The following ZNF678 variants were observed in gnomAD, a reference collection of about 807,000 sequenced individuals.
The protein encoded by ZNF678 is zinc finger protein 678.
ZNF678 carries 5 observed loss-of-function variants against 3.0 expected under a neutral mutation model. The observed-to-expected ratio is 1.69, with a 90% confidence interval of 0.88 to 3.56. The LOEUF (loss-of-function observed/expected upper bound fraction) is 3.56. Among genes scored for constraint, ZNF678 ranks in the 30% most tolerant of loss-of-function variants. ZNF678 has a pLI of 0.00. For missense variants in ZNF678, 593 were observed against 605.0 expected (o/e 0.98, Z 0.21); for synonymous variants, 218 against 199.6 (o/e 1.09, Z -0.78).
chr1:227,613,527 C>T (rs371157061), intron 1 of ZNF678, among the ~76,000 whole-genome samples: 3 of 152,184 alleles, frequency 2.0e-5, no homozygotes, highest in African/African-American at 7.2e-5. Flanking sequence ...ATTGCTGCCT[C>T]ACTAGGTCTT....
intron 1 of ZNF678, among the ~76,000 whole-genome samples, chr1:227,584,343 G>A (rs1437301480): frequency 6.6e-6 from 1 of 152,010 alleles, no homozygotes; most frequent in Admixed American, 6.6e-5. Context: ...TTCCTTAAAC[G>A]AACCGTTTAT....
Position 227,581,020 on chromosome 1 carries a change from A to G in ZNF678, c.-164+17296A>G, listed in dbSNP as rs554762811. Among the ~76,000 whole-genome samples the G allele has an allele frequency of 3.9e-5, 6 of 152,272 alleles. No homozygotes were observed. The South Asian group carries it at 1.2e-3, about 32-fold the overall frequency. On this transcript the variant is annotated intron_variant, in intron 1 of 3. Coordinates refer to ENST00000343776, the MANE Select transcript of ZNF678 (RefSeq NM_001367909.1). ...GGACTTCTATATAAAGGTCATGTAC[A>G]ATTTTCACTGGATAATTTTCAAAGT...
chr1:227,564,846 C>T (rs964114365), intron 1 of ZNF678, among the ~76,000 whole-genome samples: 1 of 151,960 alleles, frequency 6.6e-6, no homozygotes, highest in Admixed American at 6.6e-5. Flanking sequence ...ATTCTCCTGC[C>T]TCAGCCTCCT....
In ZNF678 at chr1:227,638,214, G is replaced by A. The variant is rs1263808587; in HGVS notation, c.-163-8330G>A. 6.6e-6 allele frequency among the ~76,000 whole-genome samples: 1 copy of A among 152,102 alleles called. No homozygotes were observed. The highest frequency in any genetic ancestry group is 6.6e-5 in the Admixed American group (1 of 15,262). ...GAGGTTTGGGGAATTAGAGTGTAAA[G>A]GAATTGTGAAAAAAAGCATCTTTTA... On this transcript the variant is annotated intron_variant, in intron 1 of 3. Coordinates refer to ENST00000343776, the MANE Select transcript of ZNF678 (RefSeq NM_001367909.1). The surrounding 1 kb of genome is among the most constrained non-coding windows in gnomAD (Gnocchi z 4.2).
chr1:227,655,098 A>G lies in ZNF678; in HGVS notation c.848A>G (p.His283Arg), dbSNP rs537563367. 1.7e-5 allele frequency: 28 copies of G among 1,612,700 alleles called. No individual in the cohort carries two copies. The highest frequency in any genetic ancestry group is 4.0e-5 in the African/African-American group (3 of 74,980). ...AATGAGTGCTCACACCTAACTAGAC[A>G]TAGGAGAATTCATACTGGAGAGAAA... ...VFNECSHLTR[H>R]RRIHTGEKPY... is the part of the protein sequence containing the mutation. Residue 283 changes from histidine to arginine, a missense_variant, in exon 4 of 4, where the codon CAT (histidine) becomes CGT (arginine). Coordinates refer to ENST00000343776, the MANE Select transcript of ZNF678 (RefSeq NM_001367909.1).
At position 227,657,329 on chromosome 1, in the gene ZNF678, T is replaced by G. The variant is rs1659276027; in HGVS notation, c.*1501T>G. 6.6e-6 allele frequency: 1 copy of G among 152,056 alleles called. No homozygotes were observed. The highest frequency in any genetic ancestry group is 2.4e-5 in the African/African-American group (1 of 41,442). The allele number at this position is 152,056 out of a possible 1,614,324, so 9.4% of individuals were successfully genotyped here. A position where few individuals can be genotyped will look rare whatever the true frequency, so the allele number is the denominator to read the frequency against. On this transcript the variant is annotated 3_prime_UTR_variant, in exon 4 of 4. Coordinates refer to ENST00000343776, the MANE Select transcript of ZNF678 (RefSeq NM_001367909.1). ...AGTTAAGCAGATGTTGATGTCATGC[T>G]TGTATAGCCAACAGAACTGAGGCTA...
rs537303876 is a variant in ZNF678 at position 227,617,917 on chromosome 1, C to T, written c.-163-28627C>T. On this transcript the variant is annotated intron_variant, in intron 1 of 3. Transcript: ENST00000343776. ...GGTCAGCGTCTCTCTCCAGCCACCC[C>T]TGTCTTTAGCTAATGGAGTCATGAA... 9.2e-5 allele frequency among the ~76,000 whole-genome samples: 14 copies of T among 152,266 alleles called. No homozygotes were observed. The South Asian group carries it at 2.9e-3, about 32-fold the overall frequency.
At chr1:227,599,039 G>A in intron 1 of ZNF678, 2 of 1,568,052 alleles carry the variant, frequency 1.3e-6, no homozygotes, top group Non-Finnish European at 8.8e-7. Context: ...TTCCCAGGTA[G>A]GCCTTGGTCG....
At chr1:227,591,587 C>G (rs1558135371) in intron 1 of ZNF678, among the ~76,000 whole-genome samples, 1 of 152,066 alleles carries the variant, frequency 6.6e-6, no homozygotes, top group African/African-American at 2.4e-5. Context: ...TTGGCTCACA[C>G]TTTACTCGTA....
intron 1 of ZNF678, among the ~76,000 whole-genome samples, chr1:227,618,160 T>C (rs1414584739): frequency 1.3e-5 from 2 of 152,206 alleles, no homozygotes; most frequent in Non-Finnish European, 2.9e-5. Context: ...GGGTGCCTCT[T>C]GCCAAACTGC....
intron 1 of ZNF678, among the ~76,000 whole-genome samples, chr1:227,623,685 CT>C (rs1325625250): frequency 6.6e-6 from 1 of 152,068 alleles, no homozygotes; most frequent in East Asian, 1.9e-4. Flanking sequence ...TTGATAATTA[CT>C]TTTCCTATAT....
chr1:227,578,865 G>A (rs1056710688), intron 1 of ZNF678, among the ~76,000 whole-genome samples: 2 of 152,138 alleles, frequency 1.3e-5, no homozygotes, highest in South Asian at 2.1e-4. Context: ...TCTCATCTTT[G>A]TTAGTTTATC....
At chr1:227,628,173 G>A (rs1449303713) in intron 1 of ZNF678, among the ~76,000 whole-genome samples, 3 of 152,200 alleles carry the variant, frequency 2.0e-5, no homozygotes, top group African/African-American at 4.8e-5. Flanking sequence ...TGCTACTGCT[G>A]CCACTACCTG....
chr1:227,618,586 G>T (rs1214467995), intron 1 of ZNF678, among the ~76,000 whole-genome samples: 1 of 152,178 alleles, frequency 6.6e-6, no homozygotes, highest in East Asian at 1.9e-4. Flanking sequence ...AGCCAGGCAG[G>T]CCACTGTCAT....
At chr1:227,629,778 G>A (rs1167451771) in intron 1 of ZNF678, among the ~76,000 whole-genome samples, 2 of 152,176 alleles carry the variant, frequency 1.3e-5, no homozygotes, top group African/African-American at 4.8e-5. Context: ...TTGACATAAG[G>A]GGCATGGACA....
At chr1:227,575,248 A>C (rs1656958465) in intron 1 of ZNF678, among the ~76,000 whole-genome samples, 1 of 152,172 alleles carries the variant, frequency 6.6e-6, no homozygotes, top group East Asian at 1.9e-4. Flanking sequence ...GTCTATATGA[A>C]TTTTAAAATA....
At chr1:227,592,421 GGCC>G (rs1657440155) in intron 1 of ZNF678, among the ~76,000 whole-genome samples, 1 of 152,208 alleles carries the variant, frequency 6.6e-6, no homozygotes, top group African/African-American at 2.4e-5. Context: ...TTGAGAGATA[GGCC>G]ACTGGCCTTG....
intron 1 of ZNF678, among the ~76,000 whole-genome samples, chr1:227,632,189 G>A (rs1038069367): frequency 7.2e-5 from 11 of 152,146 alleles, no homozygotes; most frequent in African/African-American, 2.4e-4. Context: ...GGACACCAGG[G>A]GAAAGACTCC....
chr1:227,590,760 G>A (rs1264620619), intron 1 of ZNF678, among the ~76,000 whole-genome samples: 1 of 151,772 alleles, frequency 6.6e-6, no homozygotes, highest in East Asian at 1.9e-4. Flanking sequence ...CCCGGTGGGG[G>A]CCGTCCAGTC....
Sources: allele counts gnomAD v4.1 joint callset (sites outside exome capture counted in the v4.1 genomes callset), GRCh38; gene constraint gnomAD v4.1.1; non-coding constraint Gnocchi (gnomAD v3.1); transcripts MANE v1.5; gene names NCBI Gene and HGNC (gene_info 2026-07-23, HGNC 2026-07-21).